Variants in RNF216 observed in about 807,000 individuals in gnomAD.
The protein encoded by RNF216 is ring finger protein 216.
RNF216 carries 72 observed loss-of-function variants against 110.8 expected under a neutral mutation model. The observed-to-expected ratio is 0.65, with a 90% CI of 0.54 to 0.79. The LOEUF (loss-of-function observed/expected upper bound fraction) is 0.79, where lower values mean the gene tolerates loss of function less well. Among genes scored for constraint, RNF216 ranks in the 30% least tolerant of loss-of-function variants. The pLI, the probability that RNF216 is intolerant of heterozygous loss-of-function variation, is 0.00. For missense variants in RNF216, 1,342 were observed against 1,141.2 expected (o/e 1.18, Z -2.54); for synonymous variants, 495 against 407.5 (o/e 1.21, Z -2.59).
Position 5,625,750 on chromosome 7 carries a change from G to A in RNF216, c.2383-1625C>T, listed in dbSNP as rs1272622497. On this transcript the variant is annotated intron_variant, in intron 15 of 16. Transcript: ENST00000389902. ...TCAACAATGAAACAGAAAGGCAGAT[G>A]GACTGAGTAAGTAATTAGATAACAC... 3.9e-5 allele frequency among the ~76,000 whole-genome samples: 6 copies of A among 152,298 alleles called. No individual in the cohort carries two copies. In the South Asian group the frequency reaches 6.2e-4, roughly 16 times the overall value.
intron 3 of RNF216, among the ~76,000 whole-genome samples, chr7:5,751,221 C>G (rs1487855938): frequency 6.6e-6 from 1 of 152,118 alleles, no homozygotes; most frequent in Non-Finnish European, 1.5e-5. Context: ...ATGAGGACAC[C>G]AGAACCTATA....
At chr7:5,652,248 G>A (rs1482052091) in intron 14 of RNF216, among the ~76,000 whole-genome samples, 165 bp downstream of exon 14, 1 of 152,026 alleles carries the variant, frequency 6.6e-6, no homozygotes, top group Non-Finnish European at 1.5e-5. Flanking sequence ...AGGCTGCAGA[G>A]ATGAGGAAAC....
At chr7:5,768,137 C>G (rs1310365452) in intron 1 of RNF216, among the ~76,000 whole-genome samples, 1 of 151,678 alleles carries the variant, frequency 6.6e-6, no homozygotes. Context: ...TTTTTTCATT[C>G]ATAATGTCCA....
Position 5,623,085 on chromosome 7 carries a change from C to T in RNF216, c.2547G>A (p.Leu849=). The T allele has an allele frequency of 1.2e-6, 2 of 1,612,120 alleles. No individual in the cohort carries two copies. The highest frequency in any genetic ancestry group is 1.7e-6 in the Non-Finnish European group (2 of 1,178,408). ...EALPRPVPQN[L]PQPQMPPYAF... ...CATAGGGTGGCATCTGTGGCTGTGG[C>T]AGGTTCTGCGGAACGGGCCTCGGGA... The change falls in exon 17 of 17, where the codon CTG becomes CTA. Residue 849 remains leucine, a synonymous_variant. Coordinates refer to ENST00000389902, the MANE Select transcript of RNF216 (RefSeq NM_207111.4).
chr7:5,753,670 T>C (rs529450428), intron 2 of RNF216, among the ~76,000 whole-genome samples: 5 of 152,140 alleles, frequency 3.3e-5, no homozygotes, highest in Admixed American at 2.0e-4. Context: ...TCTAGTTCCA[T>C]GGGAATATCA....
intron 12 of RNF216, 69 bp downstream of exon 12, chr7:5,712,646 T>G (rs1584494882): frequency 6.8e-7 from 1 of 1,473,926 alleles, no homozygotes; most frequent in East Asian, 2.3e-5. Context: ...CATCATCTGA[T>G]GCAAGTGCCC....
At chr7:5,652,605 G>A in intron 13 of RNF216, 95 bp from the exon 14 acceptor site, 1 of 802,924 alleles carries the variant, frequency 1.2e-6, no homozygotes, top group Non-Finnish European at 2.1e-6. Context: ...AGCTTTACTT[G>A]GCTTGAATTC....
rs956260707 is a variant in RNF216 at position 5,696,292 on chromosome 7, G to A, written c.2061+15469C>T. Among the ~76,000 whole-genome samples the A allele has an allele frequency of 1.1e-4, 16 of 152,230 alleles. No individual in the cohort carries two copies. Among genetic ancestry groups the A allele is most frequent in the Non-Finnish European group, 8.8e-5 (6 of 68,032 alleles). On this transcript the variant is annotated intron_variant, in intron 13 of 16. Coordinates refer to ENST00000389902, the MANE Select transcript of RNF216 (RefSeq NM_207111.4). This position sits in a 1 kb window ranked among gnomAD's most constrained non-coding sequence, Gnocchi z 5.4. ...CAAAAGGAGAATTAAGCAATTCTCT[G>A]TATGCACATCACAGAGAAATTAAGC...
Position 5,709,489 on chromosome 7 carries a change from T to C in RNF216, c.2061+2272A>G, listed in dbSNP as rs928271872. Among the ~76,000 whole-genome samples the C allele has an allele frequency of 2.6e-5, 4 of 152,206 alleles. No individual in the cohort carries two copies. In the South Asian group the frequency reaches 6.2e-4, roughly 24 times the overall value. On this transcript the variant is annotated intron_variant, in intron 13 of 16. Transcript: ENST00000389902. Reference sequence around the variant, plus strand: ...AGAGGGTCTGGAGCTTTCTCTTCTGTCATCTTGACACTACCCCACACCACA... The same window carrying C: ...AGAGGGTCTGGAGCTTTCTCTTCTGCCATCTTGACACTACCCCACACCACA...
At chr7:5,756,688 A>G (rs1247787269) in intron 2 of RNF216, among the ~76,000 whole-genome samples, 2 of 152,214 alleles carry the variant, frequency 1.3e-5, no homozygotes, top group Non-Finnish European at 2.9e-5. Context: ...TAGCATGAAC[A>G]CAAGTTCTCT....
chr7:5,772,561 C>T (rs189539552), intron 1 of RNF216, among the ~76,000 whole-genome samples: 17 of 152,174 alleles, frequency 1.1e-4, no homozygotes, highest in African/African-American at 4.1e-4. Flanking sequence ...CTTTGCCTTC[C>T]TGGGAGAAAC....
At position 5,781,602 on chromosome 7, in the gene RNF216, C is replaced by G. The variant is rs571566177; in HGVS notation, c.-131G>C. 1.1e-3 allele frequency: 164 copies of G among 152,436 alleles called. No individual in the cohort carries two copies. The highest frequency in any genetic ancestry group is 3.8e-3 in the African/African-American group (160 of 41,596). 9.4% of individuals were successfully genotyped at this position (152,436 alleles called of 1,614,324 possible). On this transcript the variant is annotated 5_prime_UTR_variant, in exon 1 of 17. Coordinates refer to ENST00000389902, the MANE Select transcript of RNF216 (RefSeq NM_207111.4). ...GCGGCCTTCGCTACCGCGCCGCTTACTCCTCAGAAGCCGCAGCTGCGAGCT... is the reference window on the plus strand; with the variant it reads ...GCGGCCTTCGCTACCGCGCCGCTTAGTCCTCAGAAGCCGCAGCTGCGAGCT...
Position 5,698,427 on chromosome 7 carries a change from G to C in RNF216, c.2061+13334C>G, listed in dbSNP as rs1040763685. ...CACACACACACACATACACACACAC[G>C]CATGCATGCTGGAGTACAGTGGCAT... On this transcript the variant is annotated intron_variant, in intron 13 of 16. Coordinates refer to ENST00000389902, the MANE Select transcript of RNF216 (RefSeq NM_207111.4). Among the ~76,000 whole-genome samples the C allele has an allele frequency of 1.6e-4, 17 of 108,828 alleles. No homozygotes were observed. The South Asian group carries it at 5.9e-3, about 38-fold the overall frequency. 71.4% of individuals were successfully genotyped at this position (108,828 alleles called of 152,430 possible). A position where few individuals can be genotyped will look rare whatever the true frequency, so the allele number is the denominator to read the frequency against.
rs1280418738 is a variant in RNF216, at chr7:5,696,084, C to T, written c.2061+15677G>A. On this transcript the variant is annotated intron_variant, in intron 13 of 16. Coordinates refer to ENST00000389902, the MANE Select transcript of RNF216 (RefSeq NM_207111.4). This position sits in a 1 kb window ranked among gnomAD's most constrained non-coding sequence, Gnocchi z 5.4. ...CTTGATCCCTGACTCCCAGGAGGCA[C>T]GGAAGGACAAGAAAGCAGCCACCAG... is the stretch of plus-strand genomic sequence containing the variant. Among the ~76,000 whole-genome samples the T allele has an allele frequency of 6.6e-6, 1 of 152,138 alleles. No individual in the cohort carries two copies. Among genetic ancestry groups the T allele is most frequent in the East Asian group, 1.9e-4 (1 of 5,188 alleles).
Position 5,759,866 on chromosome 7 carries a change from C to T in RNF216, c.67+1137G>A, listed in dbSNP as rs549911540. 1.3e-4 allele frequency among the ~76,000 whole-genome samples: 20 copies of T among 152,014 alleles called. No homozygotes were observed. In the South Asian group the frequency reaches 2.9e-3, roughly 22 times the overall value. Reference sequence around the variant, plus strand: ...CAGGCTGGTCTCGAACTCCTGACCTCGTGATCCACCCGCCTCGGTCTCCCA... The same window carrying T: ...CAGGCTGGTCTCGAACTCCTGACCTTGTGATCCACCCGCCTCGGTCTCCCA... On this transcript the variant is annotated intron_variant, in intron 2 of 16. Coordinates refer to ENST00000389902, the MANE Select transcript of RNF216 (RefSeq NM_207111.4).
intron 13 of RNF216, among the ~76,000 whole-genome samples, chr7:5,660,954 T>TC (rs1207914832): frequency 6.8e-6 from 1 of 146,022 alleles, no homozygotes; most frequent in East Asian, 2.0e-4. Flanking sequence ...TTTTTTTTTT[T>TC]TTTTTTTTTT....
intron 3 of RNF216, among the ~76,000 whole-genome samples, chr7:5,744,629 A>G (rs1794937909): frequency 6.6e-6 from 1 of 152,196 alleles, no homozygotes; most frequent in African/African-American, 2.4e-5. Context: ...TTGGTTCTGA[A>G]GACTCTACAA....
In RNF216 at chr7:5,623,034, C is replaced by A. The variant is rs140602766; in HGVS notation, c.2598G>T (p.Leu866=). The change falls in exon 17 of 17, where the codon CTG becomes CTT. Residue 866 remains leucine, a synonymous_variant. Transcript: ENST00000389902. ...PYAFAHPPFP[L]PPVRPVFNNF... Reference sequence around the variant, plus strand: ...TGTTGAACACAGGCCGCACGGGAGGCAGGGGGAAGGGTGGGTGCGCGAAGG... The same window carrying A: ...TGTTGAACACAGGCCGCACGGGAGGAAGGGGGAAGGGTGGGTGCGCGAAGG... The A allele has an allele frequency of 4.6e-5, 75 of 1,613,948 alleles. No homozygotes were observed. In the African/African-American group the frequency reaches 8.4e-4, roughly 18 times the overall value.
chr7:5,764,629 C>T (rs1435298914), intron 1 of RNF216, among the ~76,000 whole-genome samples: 1 of 143,516 alleles, frequency 7.0e-6, no homozygotes, highest in African/African-American at 2.6e-5. Context: ...GCCTGGGCAA[C>T]AGAGCAAGAC....
Sources: allele counts gnomAD v4.1 joint callset (sites outside exome capture counted in the v4.1 genomes callset), GRCh38; gene constraint gnomAD v4.1.1; non-coding constraint Gnocchi (gnomAD v3.1); transcripts MANE v1.5; gene names NCBI Gene and HGNC (gene_info 2026-07-23, HGNC 2026-07-21).